The following PALM2AKAP2 variants were observed in gnomAD, a reference collection of about 807,000 sequenced individuals.
The protein encoded by PALM2AKAP2 is PALM2 and AKAP2 fusion.
PALM2AKAP2 carries 37 observed loss-of-function variants against 71.5 expected under a neutral mutation model. The observed-to-expected ratio is 0.52, with a 90% CI of 0.40 to 0.68. PALM2AKAP2 has a LOEUF of 0.68. Among genes scored for constraint, PALM2AKAP2 ranks in the 30% least tolerant of loss-of-function variants. PALM2AKAP2 has a pLI of 0.00. For missense variants in PALM2AKAP2, 1,224 were observed against 1,191.8 expected (o/e 1.03, Z -0.40); for synonymous variants, 468 against 478.8 (o/e 0.98, Z 0.29).
At chr9:109,953,495 C>T (rs576225334) in intron 6 of PALM2AKAP2, among the ~76,000 whole-genome samples, 1 of 152,238 alleles carries the variant, frequency 6.6e-6, no homozygotes, top group African/African-American at 2.4e-5. Context: ...CCTCAGTTGT[C>T]TTTACTTCCT....
Position 109,909,400 on chromosome 9 carries a change from G to A in PALM2AKAP2, c.258-14335G>A, listed in dbSNP as rs1215789790. On this transcript the variant is annotated intron_variant, in intron 3 of 9. Coordinates refer to the PALM2AKAP2 transcript ENST00000302798. ...GAACTGAGCCGGAAGGTCTGCTTGA[G>A]GCTACTTCCAGTTGAGAAACAATTT... Among the ~76,000 whole-genome samples, 4 of 152,260 alleles carry A rather than the reference G, an allele frequency of 2.6e-5. No individual in the cohort carries two copies. In the South Asian group the frequency reaches 6.2e-4, roughly 24 times the overall value.
rs375952254 is a variant in PALM2AKAP2 at position 109,661,303 on chromosome 9, C to G, written c.5+20437C>G. 1.4e-4 allele frequency among the ~76,000 whole-genome samples: 22 copies of G among 152,262 alleles called. No homozygotes were observed. The East Asian group carries it at 2.9e-3, about 20-fold the overall frequency. On this transcript the variant is annotated intron_variant, in intron 1 of 6. Coordinates refer to the PALM2AKAP2 transcript ENST00000374531. ...AGGGTTTTCATGGTTTTAGGTCTAC[C>G]ATTTAAGTCTTTAATCCATCTTGAA...
At chr9:110,124,006 G>A (rs1459985167) in intron 1 of PALM2AKAP2, among the ~76,000 whole-genome samples, 1 of 152,214 alleles carries the variant, frequency 6.6e-6, no homozygotes, top group African/African-American at 2.4e-5. Flanking sequence ...AGTTCCCTTG[G>A]AGCTCCCTGG....
chr9:109,750,318 C>A (rs773609810), intron 1 of PALM2AKAP2, among the ~76,000 whole-genome samples: 1 of 152,078 alleles, frequency 6.6e-6, no homozygotes. Flanking sequence ...GTTGGAATAG[C>A]CTGGAGATGC....
At chr9:109,962,136 A>G (rs1311743422) in intron 6 of PALM2AKAP2, among the ~76,000 whole-genome samples, 1 of 152,220 alleles carries the variant, frequency 6.6e-6, no homozygotes, top group Non-Finnish European at 1.5e-5. Context: ...TCCTGAACAC[A>G]TTACTGCACA....
chr9:109,741,222 A>C (rs77655562), intron 1 of PALM2AKAP2, among the ~76,000 whole-genome samples: 4,166 of 152,212 alleles, frequency 0.027, 72 homozygotes, highest in Non-Finnish European at 0.043. Context: ...GAAATTATGC[A>C]TGCTTTTGAG....
intron 1 of PALM2AKAP2, among the ~76,000 whole-genome samples, chr9:110,096,367 G>C (rs527728179): frequency 6.6e-6 from 1 of 152,120 alleles, no homozygotes; most frequent in East Asian, 1.9e-4. Flanking sequence ...GGGCTCAAGC[G>C]ATCCTTCCAT....
chr9:109,975,360 GA>G (rs1832153644), intron 6 of PALM2AKAP2, among the ~76,000 whole-genome samples: 1 of 152,302 alleles, frequency 6.6e-6, no homozygotes, highest in Admixed American at 6.5e-5. Context: ...GTTAAGCGGA[GA>G]GAGAAAGTTC....
rs1336988097 is a variant in PALM2AKAP2 at position 110,025,080 on chromosome 9, C to T, written c.582+9041C>T. 3.7e-6 allele frequency: 4 copies of T among 1,094,380 alleles called. No homozygotes were observed. In the East Asian group the frequency reaches 7.0e-5, roughly 19 times the overall value. 67.8% of individuals were successfully genotyped at this position (1,094,380 alleles called of 1,614,324 possible). ...ATCTCGGCTCAGAGTGCTTAATGTG[C>T]TCAATATGCACATTAATTCTCTTGG... On this transcript the variant is annotated intron_variant, in intron 7 of 9. Transcript: ENST00000302798.
At chr9:110,067,425 T>A (rs1834104987) in intron 1 of PALM2AKAP2, among the ~76,000 whole-genome samples, 1 of 152,248 alleles carries the variant, frequency 6.6e-6, no homozygotes, top group African/African-American at 2.4e-5. Flanking sequence ...CTTAATCTAT[T>A]CCTGTTTGGC....
At chr9:110,109,336 A>C (rs1461400535) in intron 1 of PALM2AKAP2, among the ~76,000 whole-genome samples, 2 of 134,204 alleles carry the variant, frequency 1.5e-5, no homozygotes, top group Admixed American at 7.4e-5. Flanking sequence ...AAAAAAAAAA[A>C]CCAGAAAGAA....
At chr9:109,917,836 C>A (rs1266955384) in intron 3 of PALM2AKAP2, among the ~76,000 whole-genome samples, 1 of 152,140 alleles carries the variant, frequency 6.6e-6, no homozygotes, top group East Asian at 1.9e-4. Flanking sequence ...CCCTTCGGAT[C>A]ATTTTTACTT....
intron 6 of PALM2AKAP2, among the ~76,000 whole-genome samples, chr9:109,964,254 A>G (rs750807182): frequency 6.6e-6 from 1 of 152,252 alleles, no homozygotes; most frequent in Non-Finnish European, 1.5e-5. Context: ...TGTGTCTCTC[A>G]TGGACATGAC....
At chr9:110,161,639 T>A (rs1379497410) in intron 3 of PALM2AKAP2, among the ~76,000 whole-genome samples, 1 of 152,138 alleles carries the variant, frequency 6.6e-6, no homozygotes, top group African/African-American at 2.4e-5. Flanking sequence ...AACCAACTGC[T>A]GTGATTAGGA....
intron 7 of PALM2AKAP2, among the ~76,000 whole-genome samples, chr9:110,019,421 C>T (rs1833035276): frequency 1.3e-5 from 2 of 152,024 alleles, no homozygotes. Flanking sequence ...TCTCAAAGAA[C>T]AAAACTACTG....
intron 1 of PALM2AKAP2, among the ~76,000 whole-genome samples, chr9:109,680,053 T>C (rs1018249528): frequency 1.3e-5 from 2 of 152,214 alleles, no homozygotes; most frequent in African/African-American, 4.8e-5. Context: ...TGTTACTTTA[T>C]ATTTGGTTCA....
chr9:109,888,817 A>G (rs1254087842), intron 3 of PALM2AKAP2, among the ~76,000 whole-genome samples: 4 of 151,176 alleles, frequency 2.6e-5, no homozygotes. Context: ...TTAGGGCTGG[A>G]TAGTTATTTG....
chr9:110,093,600 T>G (rs567726204), intron 1 of PALM2AKAP2, among the ~76,000 whole-genome samples: 2 of 152,338 alleles, frequency 1.3e-5, no homozygotes, highest in South Asian at 2.1e-4. Context: ...TCTAATCATG[T>G]GAAGAGTGAT....
chr9:110,038,663 G>T (rs1833458684), intron 7 of PALM2AKAP2, among the ~76,000 whole-genome samples: 1 of 152,150 alleles, frequency 6.6e-6, no homozygotes, highest in African/African-American at 2.4e-5. Flanking sequence ...TGTAGGCTGG[G>T]CATGGCGGCT....
Sources: allele counts gnomAD v4.1 joint callset (sites outside exome capture counted in the v4.1 genomes callset), GRCh38; gene constraint gnomAD v4.1.1; transcripts MANE v1.5; gene names NCBI Gene and HGNC (gene_info 2026-07-23, HGNC 2026-07-21).